PPP1R13B: variants seen among roughly 807,000 people sequenced by gnomAD.
PPP1R13B encodes the protein apoptosis-stimulating of p53 protein 1.
PPP1R13B carries 44 observed loss-of-function variants against 119.8 expected under a neutral mutation model. The observed-to-expected ratio is 0.37, with a 90% CI of 0.29 to 0.47. PPP1R13B has a LOEUF of 0.47. Ranked by LOEUF, PPP1R13B falls within the 20% of genes least tolerant of loss-of-function variation. The probability of loss-of-function intolerance (pLI) is 0.99; values close to 1 mark genes in which losing one functional copy is unlikely to be tolerated. For synonymous variants in PPP1R13B, 542 were observed against 561.5 expected (o/e 0.97, Z 0.49); for missense variants, 1,227 against 1,413.5 (o/e 0.87, Z 2.12).
intron 4 of PPP1R13B, among the ~76,000 whole-genome samples, chr14:103,776,186 G>GAGGGAGGGATGGAGGGAGGAAGGA (rs1397618597): frequency 1.3e-5 from 1 of 76,000 alleles, no homozygotes; most frequent in African/African-American, 8.0e-5. Context: ...GGGAGGGAGG[G>GAGGGAGGGATGGAGGGAGGAAGGA]AGGAAGGAAG....
chr14:103,834,017 A>G (rs866113027), intron 1 of PPP1R13B, among the ~76,000 whole-genome samples: 42 of 152,368 alleles, frequency 2.8e-4, no homozygotes, highest in Middle Eastern at 6.8e-3. Context: ...GCAGTGGGAA[A>G]AGAAAACAAA....
chr14:103,757,788 T>C lies in PPP1R13B; in HGVS notation c.355-37A>G, dbSNP rs1465237760. On this transcript the variant is annotated intron_variant, in intron 4 of 16. Coordinates refer to ENST00000202556, the MANE Select transcript of PPP1R13B (RefSeq NM_015316.3). ...GCACTTATTTTGGAACATAAGTTTA[T>C]CTGCATAATTGTCTGTCTCTAGTGT... is the stretch of plus-strand genomic sequence containing the variant. 4 of 1,555,894 alleles carry C rather than the reference T, an allele frequency of 2.6e-6. No individual in the cohort carries two copies. In the East Asian group the frequency reaches 9.0e-5, roughly 35 times the overall value.
intron 1 of PPP1R13B, among the ~76,000 whole-genome samples, chr14:103,801,423 C>T (rs1271350904): frequency 6.6e-6 from 1 of 152,176 alleles, no homozygotes; most frequent in Admixed American, 6.6e-5. Flanking sequence ...CTAAACCTCC[C>T]TCCATCAGCA....
rs559883374 is a variant in PPP1R13B, at chr14:103,757,596, G to T, written c.456+54C>A. The stretch of plus-strand genomic sequence containing the variant: ...TATATTAACCCCAGTCTAAAATGAT[G>T]GTTAAAGAAGGTACTTTTTGAACAA... On this transcript the variant is annotated intron_variant, in intron 5 of 16. Coordinates refer to ENST00000202556, the MANE Select transcript of PPP1R13B (RefSeq NM_015316.3). 9 of 1,513,302 alleles carry T rather than the reference G, an allele frequency of 5.9e-6. No individual in the cohort carries two copies. In the South Asian group the frequency reaches 7.9e-5, roughly 13 times the overall value. The allele number at this position is 1,513,302 out of a possible 1,614,324, so 93.7% of individuals were successfully genotyped here. A position where few individuals can be genotyped will look rare whatever the true frequency, so the allele number is the denominator to read the frequency against.
At position 103,746,520 on chromosome 14, in the gene PPP1R13B, A is replaced by G. The variant is rs1178102844; in HGVS notation, c.1003T>C (p.Ser335Pro). 6.2e-7 allele frequency: 1 copy of G among 1,609,234 alleles called. No individual in the cohort carries two copies. Among genetic ancestry groups the G allele is most frequent in the Non-Finnish European group, 8.5e-7 (1 of 1,177,686 alleles). ...NRVNGTSSPQ[S>P]PLSTSGRVAA... ...ACCCTGCCCGATGTGCTCAGAGGGGACTGTGGTGATGACGTGCCATTCACA... is the reference window on the plus strand; with the variant it reads ...ACCCTGCCCGATGTGCTCAGAGGGGGCTGTGGTGATGACGTGCCATTCACA... Residue 335 changes from serine (S) to proline (P), a missense_variant, in exon 9 of 17, where the codon TCC (serine) becomes CCC (proline). By Grantham distance (74) the Ser-to-Pro change is moderately conservative. Coordinates refer to ENST00000202556, the MANE Select transcript of PPP1R13B (RefSeq NM_015316.3).
chr14:103,735,313 C>A, intron 16 of PPP1R13B, 118 bp from the exon 17 acceptor site: 1 of 937,484 alleles, frequency 1.1e-6, no homozygotes, highest in East Asian at 2.4e-5. Flanking sequence ...CACCCTTGTC[C>A]CTCAGGCCTA....
intron 1 of PPP1R13B, among the ~76,000 whole-genome samples, chr14:103,832,565 A>G (rs1168704372): frequency 1.3e-5 from 2 of 152,160 alleles, no homozygotes; most frequent in East Asian, 3.8e-4. Context: ...TCACTCAGAG[A>G]CCCTTCTCTG....
chr14:103,791,668 G>A (rs2085624741), intron 2 of PPP1R13B, among the ~76,000 whole-genome samples: 1 of 152,170 alleles, frequency 6.6e-6, no homozygotes, highest in South Asian at 2.1e-4. Flanking sequence ...AGGTTGTAGT[G>A]AGCCGAGATC....
At chr14:103,762,464 G>A (rs181380000) in intron 4 of PPP1R13B, among the ~76,000 whole-genome samples, 2,263 of 106,214 alleles carry the variant, frequency 0.021, 72 homozygotes, top group African/African-American at 0.076. Flanking sequence ...GGGGGGAGGG[G>A]AGAGGGACAG....
intron 1 of PPP1R13B, among the ~76,000 whole-genome samples, chr14:103,835,604 TTTTA>T (rs1263668592): frequency 7.4e-6 from 1 of 134,928 alleles, no homozygotes. Flanking sequence ...TAATTTTTAT[TTTTA>T]TTTATTTATT....
At position 103,742,941 on chromosome 14, in the gene PPP1R13B, ATTAACCGAGTGG is replaced by A; in HGVS notation, c.1151-130_1151-119del. On this transcript the variant is annotated intron_variant, in intron 9 of 16. Transcript: ENST00000202556. The surrounding 1 kb of genome is among the most constrained non-coding windows in gnomAD (Gnocchi z 4.9). Reference sequence around the variant, plus strand: ...GGACATCCCATTCTGATGCAGATCCATTAACCGAGTGGTCAACCACCAGCCACATGCACAACT... The same window carrying A: ...GGACATCCCATTCTGATGCAGATCCATCAACCACCAGCCACATGCACAACT... The A allele has an allele frequency of 8.3e-7, 1 of 1,197,640 alleles. No individual in the cohort carries two copies. The highest frequency in any genetic ancestry group is 1.2e-6 in the Non-Finnish European group (1 of 846,910). The allele number at this position is 1,197,640 out of a possible 1,614,324, so 74.2% of individuals were successfully genotyped here. A position where few individuals can be genotyped will look rare whatever the true frequency, so the allele number is the denominator to read the frequency against.
intron 1 of PPP1R13B, among the ~76,000 whole-genome samples, chr14:103,805,564 C>T (rs1291853840): frequency 1.3e-5 from 2 of 150,500 alleles, no homozygotes; most frequent in Non-Finnish European, 3.0e-5. Context: ...GAGCGAGATG[C>T]TGTCTCAAAA....
intron 1 of PPP1R13B, chr14:103,846,858 G>A (rs939457040): frequency 5.7e-6 from 3 of 528,610 alleles, no homozygotes; most frequent in African/African-American, 3.9e-5. Context: ...GTACAACCGC[G>A]AAGGCTACGG....
At chr14:103,791,133 T>TTG (rs58032444) in intron 2 of PPP1R13B, among the ~76,000 whole-genome samples, 1 of 151,940 alleles carries the variant, frequency 6.6e-6, no homozygotes, top group African/African-American at 2.4e-5. Context: ...TCTTTTTTTT[T>TTG]TTTTAAGAGA....
At chr14:103,833,903 G>T (rs899786162) in intron 1 of PPP1R13B, among the ~76,000 whole-genome samples, 1 of 152,204 alleles carries the variant, frequency 6.6e-6, no homozygotes, top group Non-Finnish European at 1.5e-5. Flanking sequence ...GGCTGACCCA[G>T]CATGTAAATG....
chr14:103,847,587 G>A (rs1213701812), upstream of PPP1R13B: 6 of 985,198 alleles, frequency 6.1e-6, no homozygotes, highest in African/African-American at 1.8e-5. Context: ...CGGCCCGCCC[G>A]CCCGGCTCGC....
chr14:103,767,562 G>A (rs1407158494), intron 4 of PPP1R13B, among the ~76,000 whole-genome samples: 1 of 151,854 alleles, frequency 6.6e-6, no homozygotes, highest in Non-Finnish European at 1.5e-5. Context: ...ATTCTTGCAG[G>A]CCAGCACCAC....
At chr14:103,825,940 G>C (rs1196239373) in intron 1 of PPP1R13B, among the ~76,000 whole-genome samples, 2 of 151,862 alleles carry the variant, frequency 1.3e-5, no homozygotes, top group Admixed American at 6.6e-5. Flanking sequence ...CACCTCCCGG[G>C]TTCAAGTGAT....
chr14:103,807,459 G>A (rs74088714), intron 1 of PPP1R13B, among the ~76,000 whole-genome samples: 4,798 of 152,220 alleles, frequency 0.032, 212 homozygotes, highest in African/African-American at 0.098. Flanking sequence ...TGCCTGGCAC[G>A]TAAGAAGCAC....
Sources: gnomAD v4.1 joint callset for allele counts (sites outside exome capture counted in the v4.1 genomes callset) on GRCh38, gnomAD v4.1.1 for gene constraint, Gnocchi (gnomAD v3.1) non-coding constraint, MANE v1.5 for transcripts, NCBI Gene and HGNC (gene_info 2026-07-23, HGNC 2026-07-21) for gene names.